The following PNPLA7 variants were observed in gnomAD, a reference collection of about 807,000 sequenced individuals.
The protein encoded by PNPLA7 is patatin like domain 7, lysophospholipase.
A neutral mutation model predicts 161.7 loss-of-function variants in PNPLA7; 153 were observed. The ratio of observed to expected loss-of-function variants is 0.95; its 90% CI spans 0.83 to 1.08. The LOEUF is 1.08. Among genes scored for constraint, PNPLA7 ranks in the 50% least tolerant of loss-of-function variants. The pLI, the probability that PNPLA7 is intolerant of heterozygous loss-of-function variation, is 0.00. For synonymous variants in PNPLA7, 809 were observed against 782.1 expected, an observed-to-expected ratio of 1.03 and a Z score of -0.57; for missense variants, 1,739 against 1,856.6, an observed-to-expected ratio of 0.94 and a Z score of 1.16.
At chr9:137,503,207 C>A (rs1171626875) in intron 14 of PNPLA7, among the ~76,000 whole-genome samples, 2 of 151,998 alleles carry the variant, frequency 1.3e-5, no homozygotes, top group African/African-American at 4.8e-5. Context: ...CATGGCAAAA[C>A]CCCGTCTACA....
intron 12 of PNPLA7, among the ~76,000 whole-genome samples, chr9:137,506,606 A>AGCCCCATCTTGGAGGGAGGGGGTTGAGGC (rs1833936653): frequency 6.6e-6 from 1 of 152,100 alleles, no homozygotes; most frequent in Admixed American, 6.5e-5. Flanking sequence ...TTCGCAGTCC[A>AGCCCCATCTTGGAGGGAGGGGGTTGAGGC]GCCCCATCTT....
At position 137,486,706 on chromosome 9, in the gene PNPLA7, A is replaced by G. The variant is rs547360475; in HGVS notation, c.2198-1970T>C. On this transcript the variant is annotated intron_variant, in intron 20 of 34. Transcript: ENST00000406427. This position sits in a 1 kb window ranked among gnomAD's most constrained non-coding sequence, Gnocchi z 6.0. Reference sequence around the variant, plus strand: ...CGGGAGCCCTGGGCCTCCACCGCCCAGCCTTGGGGTGGCTTCAGCCGCCTG... The same window carrying G: ...CGGGAGCCCTGGGCCTCCACCGCCCGGCCTTGGGGTGGCTTCAGCCGCCTG... 5.5e-4 allele frequency among the ~76,000 whole-genome samples: 83 copies of G among 151,792 alleles called. No individual in the cohort carries two copies. Among genetic ancestry groups the G allele is most frequent in the African/African-American group, 1.9e-3 (79 of 41,388 alleles).
intron 21 of PNPLA7, 132 bp from the exon 22 acceptor site, chr9:137,481,155 A>G (rs1443126394): frequency 1.1e-6 from 1 of 892,820 alleles, no homozygotes; most frequent in Admixed American, 2.0e-5. Flanking sequence ...AGGAGGAGGA[A>G]GGCAGTGAGA....
intron 14 of PNPLA7, among the ~76,000 whole-genome samples, chr9:137,502,823 C>T (rs965737310): frequency 8.7e-5 from 11 of 126,892 alleles, no homozygotes; most frequent in Non-Finnish European, 1.8e-4. Flanking sequence ...GTCATTTGGC[C>T]ATTTTAAGGA....
Position 137,480,195 on chromosome 9 carries a change from G to C in PNPLA7, c.2580+117C>G, listed in dbSNP as rs1000224306. On this transcript the variant is annotated intron_variant, in intron 23 of 34. Transcript: ENST00000406427. ...CATGGGTAGCAGATATCTGAGTGTTGGCTCTTATCATCTGTCTTTTTCTGA... is the reference window on the plus strand; with the variant it reads ...CATGGGTAGCAGATATCTGAGTGTTCGCTCTTATCATCTGTCTTTTTCTGA... 1.2e-5 allele frequency: 17 copies of C among 1,362,210 alleles called. No individual in the cohort carries two copies. The Admixed American group carries it at 1.6e-4, about 13-fold the overall frequency. 84.4% of individuals were successfully genotyped at this position (1,362,210 alleles called of 1,614,324 possible). A position where few individuals can be genotyped will look rare whatever the true frequency, so the allele number is the denominator to read the frequency against.
chr9:137,522,224 G>A lies in PNPLA7; in HGVS notation c.876+505C>T, dbSNP rs184304913. Among the ~76,000 whole-genome samples the A allele has an allele frequency of 1.1e-3, 160 of 152,294 alleles. 2 individuals carry two copies. In the East Asian group the frequency reaches 0.02, roughly 19 times the overall value. ...CGAGTAGCTGGGACTACAGGCGCCC[G>A]CCACCACGCCTGGCTAATTTTTTGT... On this transcript the variant is annotated intron_variant, in intron 9 of 34. Transcript: ENST00000406427.
In PNPLA7 at chr9:137,484,630, G is replaced by A. The variant is rs768775428; in HGVS notation, c.2304C>T (p.Leu768=). ...AVMPVSEEVP[L]TAFALELEHA... ...GCTCCAGCTCCAGGGCGAAGGCGGT[G>A]AGGGGCACTTCCTCTGACACGGGCA... is the stretch of plus-strand genomic sequence containing the variant. Residue 768 remains leucine, a synonymous_variant, in exon 21 of 35, where the codon CTC becomes CTT. Coordinates refer to ENST00000406427, the MANE Select transcript of PNPLA7 (RefSeq NM_001098537.3). The A allele has an allele frequency of 2.5e-6, 4 of 1,612,506 alleles. No homozygotes were observed. The highest frequency in any genetic ancestry group is 2.7e-5 in the African/African-American group (2 of 75,054).
chr9:137,488,957 G>C (rs1331197052), intron 20 of PNPLA7, among the ~76,000 whole-genome samples: 2 of 110,962 alleles, frequency 1.8e-5, no homozygotes, highest in African/African-American at 7.3e-5. Context: ...CAGCAGACAT[G>C]CCTCCCAACT....
intron 20 of PNPLA7, among the ~76,000 whole-genome samples, chr9:137,489,777 A>C (rs1832678700): frequency 6.6e-6 from 1 of 152,202 alleles, no homozygotes; most frequent in Non-Finnish European, 1.5e-5. Context: ...GATCCTGAAG[A>C]TAGATCAAAA....
Position 137,497,205 on chromosome 9 carries a change from T to C in PNPLA7, c.1995A>G (p.Arg665=). 6.3e-7 allele frequency: 1 copy of C among 1,585,016 alleles called. No individual in the cohort carries two copies. Among genetic ancestry groups the C allele is most frequent in the African/African-American group, 1.4e-5 (1 of 73,654 alleles). ...GKKRLAGEYG[R]GDLVGVVETL... ...CACCTACCACGCCGACGAGGTCTCCTCGGCCGTACTCCCCGGCCAGGCGCT... is the reference window on the plus strand; with the variant it reads ...CACCTACCACGCCGACGAGGTCTCCCCGGCCGTACTCCCCGGCCAGGCGCT... Residue 665 remains arginine, a synonymous_variant, in exon 18 of 35, where the codon CGA becomes CGG. Transcript: ENST00000406427.
intron 12 of PNPLA7, chr9:137,509,926 C>T (rs1834128430): frequency 6.1e-6 from 2 of 327,736 alleles, no homozygotes; most frequent in South Asian, 5.0e-5. Context: ...TACTCTTTAT[C>T]CCAATATTAT....
Position 137,468,323 on chromosome 9 carries a change from C to G in PNPLA7, c.2883-850G>C, listed in dbSNP as rs1169656626. ...AGAAGAAAAGCCTCATATAGGCTTT[C>G]CTTTTGGCCTCATAGCCAAAAGAAA... On this transcript the variant is annotated intron_variant, in intron 25 of 34. Coordinates refer to ENST00000406427, the MANE Select transcript of PNPLA7 (RefSeq NM_001098537.3). This position sits in a 1 kb window ranked among gnomAD's most constrained non-coding sequence, Gnocchi z 4.0. 6.6e-6 allele frequency among the ~76,000 whole-genome samples: 1 copy of G among 152,126 alleles called. No individual in the cohort carries two copies. The highest frequency in any genetic ancestry group is 2.4e-5 in the African/African-American group (1 of 41,426).
intron 6 of PNPLA7, 139 bp from the exon 7 acceptor site, chr9:137,542,940 C>T (rs3737320): frequency 0.23 from 183,218 of 797,928 alleles, 25,885 homozygotes; most frequent in East Asian, 0.64. Context: ...ACCAACAAAC[C>T]ACACAGCATT....
At chr9:137,488,184 T>C (rs11137286) in intron 20 of PNPLA7, among the ~76,000 whole-genome samples, 4,459 of 152,252 alleles carry the variant, frequency 0.029, 89 homozygotes, top group Non-Finnish European at 0.044. Context: ...GTCTGATGTC[T>C]CGTCCCGAGC....
intron 7 of PNPLA7, among the ~76,000 whole-genome samples, chr9:137,542,294 C>T (rs1313126181): frequency 6.6e-6 from 1 of 152,128 alleles, no homozygotes; most frequent in East Asian, 1.9e-4. Context: ...CAAACTGAGA[C>T]TCCATCTCTA....
intron 12 of PNPLA7, among the ~76,000 whole-genome samples, chr9:137,513,200 T>C (rs550761255): frequency 1.2e-4 from 18 of 151,998 alleles, no homozygotes; most frequent in African/African-American, 4.1e-4. Flanking sequence ...CTAATAAAAA[T>C]AGTCTTTGAG....
In PNPLA7 at chr9:137,542,924, C is replaced by T. The variant is rs149602959; in HGVS notation, c.507-123G>A. On this transcript the variant is annotated intron_variant, in intron 6 of 34. Coordinates refer to ENST00000406427, the MANE Select transcript of PNPLA7 (RefSeq NM_001098537.3). The stretch of plus-strand genomic sequence containing the variant: ...CCAGGCTTTGTGCTGTGGGTCCACA[C>T]GGCTGACCAACAAACCACACAGCAT... The T allele has an allele frequency of 5.5e-5, 54 of 989,758 alleles. No individual in the cohort carries two copies. The East Asian group carries it at 1.1e-3, about 19-fold the overall frequency. 61.3% of individuals were successfully genotyped at this position (989,758 alleles called of 1,614,324 possible). A position where few individuals can be genotyped will look rare whatever the true frequency, so the allele number is the denominator to read the frequency against.
At position 137,460,110 on chromosome 9, in the gene PNPLA7, A is replaced by T; in HGVS notation, c.*283T>A. 1 of 344,486 alleles carries T rather than the reference A, an allele frequency of 2.9e-6. No homozygotes were observed. The highest frequency in any genetic ancestry group is 5.5e-6 in the Non-Finnish European group (1 of 180,954). 21.3% of individuals were successfully genotyped at this position (344,486 alleles called of 1,614,324 possible). A position where few individuals can be genotyped will look rare whatever the true frequency, so the allele number is the denominator to read the frequency against. ...TTCACAGGGCTTCGGGGGGCCTCAC[A>T]GGGCTTCGGGGGGCCTCACAGGGCT... is the stretch of plus-strand genomic sequence containing the variant. On this transcript the variant is annotated 3_prime_UTR_variant, in exon 35 of 35. Coordinates refer to ENST00000406427, the MANE Select transcript of PNPLA7 (RefSeq NM_001098537.3).
In PNPLA7 at chr9:137,520,110, T is replaced by C. The variant is rs566329739; in HGVS notation, c.958-67A>G. 21 of 1,589,084 alleles carry C rather than the reference T, an allele frequency of 1.3e-5. No homozygotes were observed. In the East Asian group the frequency reaches 4.7e-4, roughly 36 times the overall value. Reference sequence around the variant, plus strand: ...CCCACACCCACTGACAGGTGTGGGCTCCTCAAAGGTGTGACAGGTGTGGGC... The same window carrying C: ...CCCACACCCACTGACAGGTGTGGGCCCCTCAAAGGTGTGACAGGTGTGGGC... On this transcript the variant is annotated intron_variant, in intron 10 of 34. Transcript: ENST00000406427. This position sits in a 1 kb window ranked among gnomAD's most constrained non-coding sequence, Gnocchi z 5.2.
Sources: gnomAD v4.1 joint callset for allele counts (sites outside exome capture counted in the v4.1 genomes callset) on GRCh38, gnomAD v4.1.1 for gene constraint, Gnocchi (gnomAD v3.1) non-coding constraint, MANE v1.5 for transcripts, NCBI Gene and HGNC (gene_info 2026-07-23, HGNC 2026-07-21) for gene names.